Variants in EPHB2 observed in about 807,000 individuals in gnomAD.
EPHB2 encodes EPH receptor B2.
In EPHB2, 18 loss-of-function variants were observed where a neutral mutation model predicts 96.4. That is an observed-to-expected ratio of 0.19 (90% CI 0.13 to 0.28). The LOEUF (loss-of-function observed/expected upper bound fraction) is 0.28, where lower values mean the gene tolerates loss of function less well. Ranked by LOEUF, EPHB2 falls within the 10% of genes least tolerant of loss-of-function variation. EPHB2 has a pLI of 1.00. For missense variants in EPHB2, 989 were observed against 1,355.4 expected, an observed-to-expected ratio of 0.73 and a Z score of 4.25; for synonymous variants, 506 against 534.1, an observed-to-expected ratio of 0.95 and a Z score of 0.72.
chr1:22,757,019 T>G (rs1391739814), intron 1 of EPHB2, among the ~76,000 whole-genome samples: 1 of 152,174 alleles, frequency 6.6e-6, no homozygotes, highest in African/African-American at 2.4e-5. Context: ...GGGAAAGAGC[T>G]TTGACTTTCA....
chr1:22,715,283 A>C (rs1643263557), intron 1 of EPHB2, among the ~76,000 whole-genome samples: 1 of 152,204 alleles, frequency 6.6e-6, no homozygotes, highest in South Asian at 2.1e-4. Context: ...GTAGAGATGC[A>C]AGAAAGTGCT....
chr1:22,883,628 T>C (rs377223665), intron 6 of EPHB2, among the ~76,000 whole-genome samples: 17 of 152,316 alleles, frequency 1.1e-4, no homozygotes, highest in African/African-American at 4.1e-4. Flanking sequence ...GTGCAGTCAA[T>C]TGCAGCCAGT....
Position 22,905,878 on chromosome 1 carries a change from G to A in EPHB2, c.1766-109G>A, listed in dbSNP as rs972045848. 3.2e-6 allele frequency: 5 copies of A among 1,570,968 alleles called. No individual in the cohort carries two copies. The African/African-American group carries it at 6.8e-5, about 21-fold the overall frequency. ...TGCAGGGAGTTGCCCAGTTCTTATG[G>A]GGGCCACATGGGAGTGGATTTCCCT... On this transcript the variant is annotated intron_variant, in intron 9 of 15. Transcript: ENST00000374630.
chr1:22,721,180 A>G (rs1570149063), intron 1 of EPHB2, among the ~76,000 whole-genome samples: 1 of 152,176 alleles, frequency 6.6e-6, no homozygotes, highest in African/African-American at 2.4e-5. Context: ...GTTATTGTCA[A>G]ATTAAGTTTG....
At chr1:22,712,502 AAAGGCGT>A (rs1643180461) in intron 1 of EPHB2, among the ~76,000 whole-genome samples, 1 of 152,194 alleles carries the variant, frequency 6.6e-6, no homozygotes, top group East Asian at 1.9e-4. Context: ...GGCCTCTGGG[AAAGGCGT>A]CGTGGGGGAC....
At position 22,764,694 on chromosome 1, in the gene EPHB2, C is replaced by T. The variant is rs369781613; in HGVS notation, c.62-16727C>T. Among the ~76,000 whole-genome samples the T allele has an allele frequency of 5.3e-5, 8 of 151,316 alleles. No individual in the cohort carries two copies. The South Asian group carries it at 1.0e-3, about 20-fold the overall frequency. On this transcript the variant is annotated intron_variant, in intron 1 of 15. Transcript: ENST00000374630. ...CAGGGAGGCGGAGTTTGCAGAAAGC[C>T]GAGATTGCACCACCGCACTCCAGCC... is the stretch of plus-strand genomic sequence containing the variant.
At chr1:22,867,495 T>G (rs1021156468) in intron 5 of EPHB2, among the ~76,000 whole-genome samples, 4 of 152,098 alleles carry the variant, frequency 2.6e-5, no homozygotes, top group African/African-American at 9.7e-5. Flanking sequence ...TGCCTATAGT[T>G]CTTTTGGGGC....
chr1:22,733,921 A>T lies in EPHB2; in HGVS notation c.61+22878A>T, dbSNP rs1643770072. On this transcript the variant is annotated intron_variant, in intron 1 of 15. Coordinates refer to ENST00000374630, the MANE Select transcript of EPHB2 (RefSeq NM_017449.5). This position sits in a 1 kb window ranked among gnomAD's most constrained non-coding sequence, Gnocchi z 4.6. ...GACGGAGCTAGAAGTTGAACCTGGG[A>T]CTGGATTCTTGGCCTGGTGTGATTT... Among the ~76,000 whole-genome samples the T allele has an allele frequency of 6.6e-6, 1 of 152,020 alleles. No individual in the cohort carries two copies. Among genetic ancestry groups the T allele is most frequent in the Admixed American group, 6.5e-5 (1 of 15,274 alleles).
intron 3 of EPHB2, among the ~76,000 whole-genome samples, chr1:22,850,987 T>C (rs1423632405): frequency 1.3e-5 from 2 of 152,106 alleles, no homozygotes. Flanking sequence ...GGTTTTTGTT[T>C]CTTTTTGGAA....
chr1:22,833,192 G>A (rs545821106), intron 3 of EPHB2, among the ~76,000 whole-genome samples: 67 of 151,772 alleles, frequency 4.4e-4, no homozygotes, highest in African/African-American at 1.4e-3. Flanking sequence ...GTCTCGGCTC[G>A]CTGCAACCTC....
chr1:22,821,593 A>G (rs1037493597), intron 3 of EPHB2, among the ~76,000 whole-genome samples: 4 of 152,240 alleles, frequency 2.6e-5, no homozygotes, highest in Non-Finnish European at 5.9e-5. Flanking sequence ...TATTGGCACA[A>G]GAAATGCCCT....
chr1:22,806,640 C>G (rs900803714), intron 3 of EPHB2, among the ~76,000 whole-genome samples: 4 of 152,230 alleles, frequency 2.6e-5, no homozygotes, highest in African/African-American at 9.6e-5. Flanking sequence ...CCTATTCCCA[C>G]CCCCGCCAGG....
chr1:22,824,295 G>A (rs1345071172), intron 3 of EPHB2, among the ~76,000 whole-genome samples: 3 of 151,098 alleles, frequency 2.0e-5, no homozygotes, highest in Non-Finnish European at 3.0e-5. Flanking sequence ...AAGGAAGGAA[G>A]GAAAGAAAGA....
At chr1:22,899,671 A>C (rs1639687799) in intron 9 of EPHB2, among the ~76,000 whole-genome samples, 1 of 152,202 alleles carries the variant, frequency 6.6e-6, no homozygotes, top group African/African-American at 2.4e-5. Flanking sequence ...TTAACTACAC[A>C]GAAATAAAAG....
intron 9 of EPHB2, among the ~76,000 whole-genome samples, chr1:22,900,743 C>T (rs949725494): frequency 3.3e-5 from 5 of 152,188 alleles, no homozygotes; most frequent in Admixed American, 2.0e-4. Context: ...AGATCCCCCT[C>T]CCTGCATCCT....
chr1:22,864,386 C>T (rs1031818875), intron 4 of EPHB2, among the ~76,000 whole-genome samples: 1 of 152,178 alleles, frequency 6.6e-6, no homozygotes, highest in African/African-American at 2.4e-5. Context: ...CTGCTGAAGT[C>T]CCAGCCATCA....
At position 22,882,288 on chromosome 1, in the gene EPHB2, C is replaced by T. The variant is rs539846761; in HGVS notation, c.1304-71C>T. The T allele has an allele frequency of 2.2e-5, 35 of 1,600,394 alleles. No individual in the cohort carries two copies. The East Asian group carries it at 6.1e-4, about 28-fold the overall frequency. On this transcript the variant is annotated intron_variant, in intron 5 of 15. Coordinates refer to ENST00000374630, the MANE Select transcript of EPHB2 (RefSeq NM_017449.5). ...CCACAGTGCCCCACCTGTCCGAGTA[C>T]CTCTGAGGGTGGGCCAGAAGCTGCA...
chr1:22,756,455 T>C (rs1033732157), intron 1 of EPHB2, among the ~76,000 whole-genome samples: 1 of 152,098 alleles, frequency 6.6e-6, no homozygotes, highest in Non-Finnish European at 1.5e-5. Flanking sequence ...GAGTCCCGCC[T>C]GAGGTGTGGA....
intron 5 of EPHB2, among the ~76,000 whole-genome samples, chr1:22,868,747 C>A (rs1638564447): frequency 6.6e-6 from 1 of 152,154 alleles, no homozygotes; most frequent in African/African-American, 2.4e-5. Flanking sequence ...TGAGTGGGCC[C>A]TGCAGATTTA....
Sources: allele counts gnomAD v4.1 joint callset (sites outside exome capture counted in the v4.1 genomes callset), GRCh38; gene constraint gnomAD v4.1.1; non-coding constraint Gnocchi (gnomAD v3.1); transcripts MANE v1.5; gene names NCBI Gene and HGNC (gene_info 2026-07-23, HGNC 2026-07-21).